Variants in SLC5A10 observed in about 807,000 individuals in gnomAD.
SLC5A10 encodes the protein solute carrier family 5 member 10.
SLC5A10 carries 55 observed loss-of-function variants against 68.9 expected under a neutral mutation model. That is an observed-to-expected ratio of 0.80 (90% confidence interval 0.64 to 1.00). SLC5A10 has a LOEUF of 1.00. Among genes scored for constraint, SLC5A10 ranks in the 50% least tolerant of loss-of-function variants. The pLI is 0.00. For synonymous variants in SLC5A10, 344 were observed against 344.8 expected (o/e 1.00, Z 0.02); for missense variants, 732 against 819.3 (o/e 0.89, Z 1.30).
intron 5 of SLC5A10, among the ~76,000 whole-genome samples, chr17:18,966,475 G>A (rs1252233040): frequency 1.3e-5 from 2 of 152,188 alleles, no homozygotes; most frequent in Non-Finnish European, 2.9e-5. Flanking sequence ...AGTTGGAATA[G>A]ACTCTGGGCC....
At chr17:18,957,977 C>T (rs937361590) in intron 1 of SLC5A10, among the ~76,000 whole-genome samples, 1 of 152,206 alleles carries the variant, frequency 6.6e-6, no homozygotes, top group Admixed American at 6.5e-5. Flanking sequence ...TGGAATCATA[C>T]AATTCGTGGC....
intron 10 of SLC5A10, among the ~76,000 whole-genome samples, chr17:19,014,779 G>A (rs768968438): frequency 4.3e-4 from 66 of 152,190 alleles, no homozygotes; most frequent in Non-Finnish European, 7.5e-4. Flanking sequence ...TCAGCATTAT[G>A]AGTAATTATG....
chr17:19,010,147 C>T (rs1430762826), intron 9 of SLC5A10, among the ~76,000 whole-genome samples: 2 of 152,036 alleles, frequency 1.3e-5, no homozygotes, highest in African/African-American at 2.4e-5. Context: ...CAGGGAAGAG[C>T]GTGGGCGGAT....
At chr17:18,991,706 C>A (rs150486114) in intron 9 of SLC5A10, among the ~76,000 whole-genome samples, 3 of 152,302 alleles carry the variant, frequency 2.0e-5, no homozygotes, top group Non-Finnish European at 4.4e-5. Flanking sequence ...CCCCAGGTAC[C>A]GTTGTCAAAG....
At chr17:19,020,258 G>C in intron 14 of SLC5A10, 46 bp downstream of exon 14, 1 of 1,612,278 alleles carries the variant, frequency 6.2e-7, no homozygotes, top group Non-Finnish European at 8.5e-7. Context: ...CCCTGGCCTG[G>C]AGGCAAGGGC....
In SLC5A10 at chr17:19,020,238, T is replaced by C. The variant is rs373120149; in HGVS notation, c.1684+26T>C. On this transcript the variant is annotated intron_variant, in intron 14 of 14. Coordinates refer to ENST00000395645, the MANE Select transcript of SLC5A10 (RefSeq NM_001042450.4). ...GTAAGTGGATGACCCTAGGCACTCC[T>C]CCACCTTGACCCTGGCCTGGAGGCA... The C allele has an allele frequency of 1.3e-5, 21 of 1,613,864 alleles. No homozygotes were observed. In the African/African-American group the frequency reaches 1.5e-4, roughly 11 times the overall value.
At position 19,003,865 on chromosome 17, in the gene SLC5A10, G is replaced by A. The variant is rs1192774720; in HGVS notation, c.983-9545G>A. On this transcript the variant is annotated intron_variant, in intron 9 of 14. Transcript: ENST00000395645. This position sits in a 1 kb window ranked among gnomAD's most constrained non-coding sequence, Gnocchi z 4.5. The stretch of plus-strand genomic sequence containing the variant: ...GGATGCGCTTGAGCTCCAGCTCCGA[G>A]AGGAAGTCTCGGATGTTCTCCCGCT... The A allele has an allele frequency of 6.2e-7, 1 of 1,612,944 alleles. No homozygotes were observed. Among genetic ancestry groups the A allele is most frequent in the African/African-American group, 1.3e-5 (1 of 74,922 alleles).
chr17:18,967,335 C>G lies in SLC5A10; in HGVS notation c.454-1717C>G, dbSNP rs370094587. Among the ~76,000 whole-genome samples, 33 of 152,118 alleles carry G rather than the reference C, an allele frequency of 2.2e-4. 1 individual carries two copies. The East Asian group carries it at 3.9e-3, about 18-fold the overall frequency. On this transcript the variant is annotated intron_variant, in intron 5 of 14. Coordinates refer to ENST00000395645, the MANE Select transcript of SLC5A10 (RefSeq NM_001042450.4). ...CTATTCAGTCTTTGGGGCCTGCCAC[C>G]GTGGAAGGAAGGGCAGGAAGGAGGG...
chr17:18,967,365 A>G (rs2151998024), intron 5 of SLC5A10, among the ~76,000 whole-genome samples: 1 of 152,280 alleles, frequency 6.6e-6, no homozygotes, highest in South Asian at 2.1e-4. Flanking sequence ...GGAGGGAGGC[A>G]GGAGGGAGGG....
At chr17:19,002,905 T>C (rs2043767227) in intron 9 of SLC5A10, among the ~76,000 whole-genome samples, 1 of 152,118 alleles carries the variant, frequency 6.6e-6, no homozygotes, top group Non-Finnish European at 1.5e-5. Context: ...CTCACTCCAC[T>C]TCCACAGATG....
chr17:18,988,023 C>T (rs2043313640), intron 9 of SLC5A10, among the ~76,000 whole-genome samples: 1 of 152,240 alleles, frequency 6.6e-6, no homozygotes, highest in East Asian at 1.9e-4. Flanking sequence ...AGCACCTAAT[C>T]AGTGTTTATT....
At chr17:19,020,116 T>TCCCCCCC in intron 13 of SLC5A10, 39 bp from the exon 14 acceptor site, 4 of 453,666 alleles carry the variant, frequency 8.8e-6, no homozygotes, top group South Asian at 1.6e-5. Context: ...CACCCTGCCA[T>TCCCCCCC]CCCCCACCCC....
intron 5 of SLC5A10, among the ~76,000 whole-genome samples, chr17:18,966,912 C>T (rs1361061457): frequency 1.3e-5 from 2 of 152,052 alleles, no homozygotes; most frequent in Admixed American, 1.3e-4. Context: ...GGCTGGGTGG[C>T]TGGCTTTGTG....
Position 19,004,061 on chromosome 17 carries a change from C to T in SLC5A10, c.983-9349C>T. ...GGCCATGGCGCCGCCTGCCCGGGCA[C>T]TGCTGCCGGGGGTGGGTGGGCAAGG... On this transcript the variant is annotated intron_variant, in intron 9 of 14. Coordinates refer to ENST00000395645, the MANE Select transcript of SLC5A10 (RefSeq NM_001042450.4). This position sits in a 1 kb window ranked among gnomAD's most constrained non-coding sequence, Gnocchi z 5.4. 2 of 1,563,140 alleles carry T rather than the reference C, an allele frequency of 1.3e-6. No individual in the cohort carries two copies. Among genetic ancestry groups the T allele is most frequent in the Non-Finnish European group, 1.7e-6 (2 of 1,153,122 alleles).
At chr17:18,961,616 A>G (rs1426760352) in intron 5 of SLC5A10, among the ~76,000 whole-genome samples, 1 of 152,220 alleles carries the variant, frequency 6.6e-6, no homozygotes, top group Non-Finnish European at 1.5e-5. Flanking sequence ...AGGAAAGCCC[A>G]GAAGAGGCGT....
At chr17:19,016,434 G>A (rs2044143083) in intron 11 of SLC5A10, among the ~76,000 whole-genome samples, 1 of 152,038 alleles carries the variant, frequency 6.6e-6, no homozygotes, top group Admixed American at 6.5e-5. Context: ...CCACCCTCTT[G>A]TTGTCCTCTG....
intron 9 of SLC5A10, among the ~76,000 whole-genome samples, chr17:19,007,589 G>A (rs1014554510): frequency 7.2e-5 from 11 of 152,058 alleles, no homozygotes; most frequent in African/African-American, 2.7e-4. Context: ...ATTTTTAGTA[G>A]AATCATGGTC....
chr17:19,015,979 C>T (rs1025494638), intron 11 of SLC5A10, among the ~76,000 whole-genome samples: 3 of 152,024 alleles, frequency 2.0e-5, no homozygotes, highest in South Asian at 2.1e-4. Context: ...TACACTGTAC[C>T]CAATGTGTAG....
chr17:18,960,374 C>T (rs1300318278), intron 4 of SLC5A10, among the ~76,000 whole-genome samples, 174 bp from the exon 5 acceptor site: 3 of 152,216 alleles, frequency 2.0e-5, no homozygotes, highest in African/African-American at 4.8e-5. Flanking sequence ...CGGAGCAGCC[C>T]GGGATTCCAG....
Sources: gnomAD v4.1 joint callset for allele counts (sites outside exome capture counted in the v4.1 genomes callset) on GRCh38, gnomAD v4.1.1 for gene constraint, Gnocchi (gnomAD v3.1) non-coding constraint, MANE v1.5 for transcripts, NCBI Gene and HGNC (gene_info 2026-07-23, HGNC 2026-07-21) for gene names.